Variants in CDH4 observed in about 807,000 individuals in gnomAD.
CDH4 encodes cadherin-4.
CDH4 carries 33 observed loss-of-function variants against 86.0 expected under a neutral mutation model. That is an observed-to-expected ratio of 0.38 (90% CI 0.29 to 0.51). The LOEUF is 0.51. Among genes scored for constraint, CDH4 ranks in the 20% least tolerant of loss-of-function variants. The probability of loss-of-function intolerance (pLI) is 0.86; values close to 1 mark genes in which losing one functional copy is unlikely to be tolerated. For missense variants in CDH4, 1,114 were observed against 1,307.4 expected (o/e 0.85, Z 2.28); for synonymous variants, 555 against 549.4 (o/e 1.01, Z -0.14).
intron 7 of CDH4, among the ~76,000 whole-genome samples, chr20:61,877,597 C>T (rs990323534): frequency 1.3e-5 from 2 of 152,084 alleles, no homozygotes; most frequent in Non-Finnish European, 2.9e-5. Flanking sequence ...GCATCTCAGG[C>T]GTGGTGTGCT....
At chr20:61,735,720 G>A (rs1389945591) in intron 2 of CDH4, among the ~76,000 whole-genome samples, 3 of 152,224 alleles carry the variant, frequency 2.0e-5, no homozygotes, top group Non-Finnish European at 4.4e-5. Flanking sequence ...CTTTGCTGCA[G>A]GAATGGAGGA....
intron 2 of CDH4, among the ~76,000 whole-genome samples, chr20:61,602,768 C>T (rs966589143): frequency 1.3e-5 from 2 of 150,682 alleles, no homozygotes; most frequent in African/African-American, 2.4e-5. Context: ...AGGCCAGCAC[C>T]AACATCATGA....
intron 4 of CDH4, among the ~76,000 whole-genome samples, chr20:61,776,605 G>A (rs932288107): frequency 2.6e-5 from 4 of 152,206 alleles, no homozygotes; most frequent in South Asian, 2.1e-4. Context: ...AGAACAGGCC[G>A]TGAGCGGAAG....
chr20:61,469,258 G>A (rs1339087916), intron 2 of CDH4, among the ~76,000 whole-genome samples: 3 of 152,170 alleles, frequency 2.0e-5, no homozygotes, highest in Admixed American at 2.0e-4. Context: ...CATTTTAACT[G>A]GGATGAAATG....
At chr20:61,610,423 A>G (rs2086676106) in intron 2 of CDH4, among the ~76,000 whole-genome samples, 1 of 152,136 alleles carries the variant, frequency 6.6e-6, no homozygotes, top group African/African-American at 2.4e-5. Flanking sequence ...AGTTGATTCC[A>G]TCTCTTAGCT....
chr20:61,430,242 G>T (rs2085239005), intron 2 of CDH4, among the ~76,000 whole-genome samples: 1 of 152,222 alleles, frequency 6.6e-6, no homozygotes, highest in Non-Finnish European at 1.5e-5. Context: ...GATAATGAAA[G>T]AATGATTTTT....
chr20:61,258,680 A>G (rs945511319), intron 2 of CDH4, among the ~76,000 whole-genome samples: 1 of 152,266 alleles, frequency 6.6e-6, no homozygotes. Context: ...ATAGGTGGTC[A>G]CATGCTGGAA....
intron 2 of CDH4, among the ~76,000 whole-genome samples, chr20:61,643,505 G>A (rs1030327787): frequency 1.3e-5 from 2 of 152,228 alleles, no homozygotes; most frequent in East Asian, 3.8e-4. Context: ...CACCTCTGGA[G>A]AGAGGGAAAC....
intron 2 of CDH4, among the ~76,000 whole-genome samples, chr20:61,695,128 G>A (rs767924130): frequency 6.6e-5 from 10 of 152,348 alleles, no homozygotes; most frequent in Admixed American, 2.0e-4. Flanking sequence ...CTTTGAAGCC[G>A]TGCCTCCAGA....
At chr20:61,312,974 T>C (rs1027441549) in intron 2 of CDH4, among the ~76,000 whole-genome samples, 1 of 152,128 alleles carries the variant, frequency 6.6e-6, no homozygotes, top group Non-Finnish European at 1.5e-5. Context: ...CCTCACTGCC[T>C]CCAGGGCCTG....
chr20:61,929,216 G>A (rs1189351448), intron 12 of CDH4, among the ~76,000 whole-genome samples: 2 of 150,916 alleles, frequency 1.3e-5, no homozygotes, highest in Non-Finnish European at 2.9e-5. Flanking sequence ...TCTCAGCTCT[G>A]CAACTCCACC....
chr20:61,572,159 G>A (rs934326092), intron 2 of CDH4, among the ~76,000 whole-genome samples: 5 of 152,074 alleles, frequency 3.3e-5, no homozygotes, highest in African/African-American at 1.2e-4. Flanking sequence ...GGGATCTGGG[G>A]GGCCTCTCTT....
chr20:61,794,028 AGC>A (rs1163426367), intron 4 of CDH4, among the ~76,000 whole-genome samples: 4 of 149,542 alleles, frequency 2.7e-5, no homozygotes, highest in Non-Finnish European at 5.9e-5. Flanking sequence ...CTGTAGTCCC[AGC>A]TACTCGGGAG....
intron 2 of CDH4, among the ~76,000 whole-genome samples, chr20:61,673,295 C>T (rs2087410543): frequency 6.6e-6 from 1 of 152,192 alleles, no homozygotes; most frequent in Non-Finnish European, 1.5e-5. Flanking sequence ...TGAATCTCAG[C>T]GGCAGCTGCA....
intron 2 of CDH4, among the ~76,000 whole-genome samples, chr20:61,693,877 T>G (rs375688479): frequency 5.5e-4 from 80 of 146,154 alleles, no homozygotes; most frequent in African/African-American, 2.0e-3. Flanking sequence ...TCAGACACTC[T>G]TTCTTTCTTT....
chr20:61,366,387 G>C (rs117065186), intron 2 of CDH4, among the ~76,000 whole-genome samples: 1 of 152,264 alleles, frequency 6.6e-6, no homozygotes, highest in South Asian at 2.1e-4. Flanking sequence ...AGACCAGCTC[G>C]GTCGGGGAGA....
chr20:61,530,032 T>G (rs1003041305), intron 2 of CDH4, among the ~76,000 whole-genome samples: 2 of 151,984 alleles, frequency 1.3e-5, no homozygotes, highest in South Asian at 2.1e-4. Context: ...GTTTGTTTGT[T>G]TGTGTGTTTG....
At chr20:61,353,276 G>T (rs1250513027) in intron 2 of CDH4, among the ~76,000 whole-genome samples, 4 of 57,828 alleles carry the variant, frequency 6.9e-5, no homozygotes, top group Admixed American at 5.7e-4. Context: ...GGGTGCAGAG[G>T]TGCCAGGGTC....
At chr20:61,758,460 A>G (rs111673198) in intron 3 of CDH4, among the ~76,000 whole-genome samples, 1 of 152,138 alleles carries the variant, frequency 6.6e-6, no homozygotes, top group South Asian at 2.1e-4. Context: ...TCCTGACGCA[A>G]TCGGAGGCTC....
Sources: allele counts gnomAD v4.1 joint callset (sites outside exome capture counted in the v4.1 genomes callset), GRCh38; gene constraint gnomAD v4.1.1; transcripts MANE v1.5; gene names NCBI Gene and HGNC (gene_info 2026-07-23, HGNC 2026-07-21).